G3BP2: variants seen among roughly 807,000 people sequenced by gnomAD.
G3BP2 encodes the protein G3BP stress granule assembly factor 2.
Under a neutral mutation model 56.7 loss-of-function variants are expected in G3BP2, and 11 were observed. The ratio of observed to expected loss-of-function variants is 0.19; its 90% CI spans 0.12 to 0.32. G3BP2 has a LOEUF of 0.32. G3BP2 is among the 10% of genes least tolerant of loss of function. The probability of loss-of-function intolerance (pLI) is 1.00; values close to 1 mark genes in which losing one functional copy is unlikely to be tolerated. For missense variants in G3BP2, 340 were observed against 610.9 expected (o/e 0.56, Z 4.67); for synonymous variants, 165 against 191.6 (o/e 0.86, Z 1.15).
At chr4:75,707,591 C>G (rs1719601943) in intron 3 of G3BP2, among the ~76,000 whole-genome samples, 1 of 118,500 alleles carries the variant, frequency 8.4e-6, no homozygotes, top group African/African-American at 3.3e-5. Flanking sequence ...GCCTGGGTGA[C>G]AGAGCGAGAC....
intron 10 of G3BP2, 58 bp downstream of exon 10, chr4:75,646,971 T>C (rs562870727): frequency 3.7e-6 from 4 of 1,084,962 alleles, no homozygotes; most frequent in African/African-American, 3.2e-5. Context: ...AAGCTCCATA[T>C]GCCTCTTGCT....
chr4:75,650,252 T>C (rs1163170958), intron 8 of G3BP2, among the ~76,000 whole-genome samples: 1 of 151,486 alleles, frequency 6.6e-6, no homozygotes, highest in Non-Finnish European at 1.5e-5. Flanking sequence ...CTGACTAACA[T>C]GGAGAAACCC....
chr4:75,669,831 G>A (rs1431726355), intron 1 of G3BP2, among the ~76,000 whole-genome samples: 3 of 152,168 alleles, frequency 2.0e-5, no homozygotes, highest in South Asian at 2.1e-4. Flanking sequence ...AGTGGCTCAC[G>A]CCTGTAATTC....
chr4:75,685,289 T>A (rs1339800274), intron 3 of G3BP2, among the ~76,000 whole-genome samples: 1 of 151,422 alleles, frequency 6.6e-6, no homozygotes, highest in African/African-American at 2.4e-5. Flanking sequence ...TCACCTGAGG[T>A]CAGGAGTTTG....
At chr4:75,663,393 G>C (rs1732724663) in intron 1 of G3BP2, among the ~76,000 whole-genome samples, 1 of 152,026 alleles carries the variant, frequency 6.6e-6, no homozygotes, top group Admixed American at 6.6e-5. Flanking sequence ...TAAATCTCCT[G>C]AGTGGCTGGG....
chr4:75,649,188 T>G (rs35199342), intron 8 of G3BP2: 59,614 of 155,142 alleles, frequency 0.38, 12,247 homozygotes, highest in African/African-American at 0.5. Flanking sequence ...GTAACAGTGC[T>G]CAGTAGTATT....
At chr4:75,654,648 G>A (rs1170160375) in intron 7 of G3BP2, among the ~76,000 whole-genome samples, 1 of 152,162 alleles carries the variant, frequency 6.6e-6, no homozygotes, top group Non-Finnish European at 1.5e-5. Flanking sequence ...GGTGTAGAAA[G>A]GAAACTGATC....
chr4:75,704,307 G>A (rs1056352793), intron 3 of G3BP2, among the ~76,000 whole-genome samples: 2 of 151,818 alleles, frequency 1.3e-5, no homozygotes, highest in African/African-American at 2.4e-5. Context: ...GTGAGCCCCC[G>A]CCGGACCTGT....
At chr4:75,711,950 T>C (rs1719777055) in intron 3 of G3BP2, among the ~76,000 whole-genome samples, 1 of 151,896 alleles carries the variant, frequency 6.6e-6, no homozygotes, top group Admixed American at 6.6e-5. Context: ...TTTGTGATTA[T>C]AAAAAAGAAA....
At chr4:75,698,819 C>T (rs561640892) in intron 3 of G3BP2, among the ~76,000 whole-genome samples, 1 of 152,210 alleles carries the variant, frequency 6.6e-6, no homozygotes, top group South Asian at 2.1e-4. Flanking sequence ...CCTCAGCCAC[C>T]CAAGGCGCTA....
intron 3 of G3BP2, among the ~76,000 whole-genome samples, chr4:75,688,401 A>T (rs941776917): frequency 6.6e-6 from 1 of 152,124 alleles, no homozygotes; most frequent in African/African-American, 2.4e-5. Context: ...CAGTGAAGGG[A>T]GCATATTTAT....
chr4:75,654,474 G>A (rs1172825400), intron 7 of G3BP2, among the ~76,000 whole-genome samples: 1 of 152,182 alleles, frequency 6.6e-6, no homozygotes, highest in African/African-American at 2.4e-5. Flanking sequence ...AAAGAAGAGA[G>A]TATTAGCTGG....
chr4:75,682,700 G>A (rs976397117), intron 3 of G3BP2, among the ~76,000 whole-genome samples: 5 of 151,972 alleles, frequency 3.3e-5, no homozygotes, highest in Non-Finnish European at 7.4e-5. Flanking sequence ...CATGCAGCTG[G>A]GCTGGGCACG....
intron 2 of G3BP2, chr4:75,661,469 C>A (rs1039484641): frequency 4.5e-5 from 6 of 132,060 alleles, no homozygotes; most frequent in African/African-American, 1.3e-4. Context: ...GCACCTGCCC[C>A]CAAAGTTTGT....
At chr4:75,646,915 GAC>G (rs1731247638) in intron 10 of G3BP2, 112 bp downstream of exon 10, 1 of 630,020 alleles carries the variant, frequency 1.6e-6, no homozygotes, top group African/African-American at 1.9e-5. Flanking sequence ...CTGGTAGCTG[GAC>G]ACAGTATAAA....
intron 3 of G3BP2, among the ~76,000 whole-genome samples, chr4:75,695,226 G>A (rs1404473596): frequency 6.6e-6 from 1 of 152,220 alleles, no homozygotes; most frequent in Non-Finnish European, 1.5e-5. Flanking sequence ...CCCAAGGAGG[G>A]AAGGCTGTGT....
intron 1 of G3BP2, among the ~76,000 whole-genome samples, chr4:75,670,952 C>G (rs755435850): frequency 2.4e-4 from 36 of 152,152 alleles, no homozygotes; most frequent in Admixed American, 5.9e-4. Context: ...AGGAATACAG[C>G]AGGACAGCAA....
intron 1 of G3BP2, 74 bp downstream of exon 1, chr4:75,673,134 C>G: frequency 2.7e-6 from 3 of 1,110,646 alleles, no homozygotes; most frequent in Non-Finnish European, 3.3e-6. Context: ...ACGATTGCCT[C>G]GCGCCGCGGA....
intron 3 of G3BP2, among the ~76,000 whole-genome samples, chr4:75,713,116 A>G (rs1278437170): frequency 6.6e-6 from 1 of 152,206 alleles, no homozygotes; most frequent in Admixed American, 6.6e-5. Context: ...TAGGTTGGCA[A>G]GTTGCTTACC....
Sources: allele counts gnomAD v4.1 joint callset (sites outside exome capture counted in the v4.1 genomes callset), GRCh38; gene constraint gnomAD v4.1.1; transcripts MANE v1.5; gene names NCBI Gene and HGNC (gene_info 2026-07-23, HGNC 2026-07-21).